The following SNTG1 variants were observed in gnomAD, a reference collection of about 807,000 sequenced individuals.
SNTG1 encodes the protein syntrophin gamma 1.
In SNTG1, 39 loss-of-function variants were observed where a neutral mutation model predicts 74.7. The ratio of observed to expected loss-of-function variants is 0.52; its 90% confidence interval spans 0.40 to 0.68. The LOEUF (loss-of-function observed/expected upper bound fraction) is 0.68. Ranked by LOEUF, SNTG1 falls within the 30% of genes least tolerant of loss-of-function variation. SNTG1 has a pLI of 0.00. For synonymous variants in SNTG1, 254 were observed against 217.1 expected (o/e 1.17, Z -1.49); for missense variants, 685 against 609.5 (o/e 1.12, Z -1.30).
intron 8 of SNTG1, among the ~76,000 whole-genome samples, chr8:50,483,309 AT>A (rs943256187): frequency 2.0e-5 from 3 of 152,072 alleles, no homozygotes; most frequent in African/African-American, 4.8e-5. Flanking sequence ...GGATCTATGT[AT>A]TTTTTTTCAT....
chr8:50,231,333 A>G (rs2085612450), intron 2 of SNTG1, among the ~76,000 whole-genome samples: 1 of 151,426 alleles, frequency 6.6e-6, no homozygotes, highest in Non-Finnish European at 1.5e-5. Context: ...TGGTTCCTCA[A>G]AAAACTAAAA....
At chr8:50,164,774 G>A (rs2082554821) in intron 1 of SNTG1, among the ~76,000 whole-genome samples, 1 of 152,036 alleles carries the variant, frequency 6.6e-6, no homozygotes, top group Non-Finnish European at 1.5e-5. Flanking sequence ...AAACTCTTTG[G>A]AAAAAATATT....
At chr8:50,376,236 A>G (rs2092377107) in intron 2 of SNTG1, among the ~76,000 whole-genome samples, 1 of 152,178 alleles carries the variant, frequency 6.6e-6, no homozygotes, top group Non-Finnish European at 1.5e-5. Context: ...CTGTAACTAT[A>G]CAGATTATAC....
In SNTG1 at chr8:50,027,020, TC is replaced by T. The variant is rs573679526; in HGVS notation, c.-103+114791del. ...CTCATTTGCAGGATTGCTATGTCCT[TC>T]CTTCTAGCTGGCCACCCACTTCTAG... On this transcript the variant is annotated intron_variant, in intron 1 of 18. Transcript: ENST00000642720. Among the ~76,000 whole-genome samples the T allele has an allele frequency of 5.9e-3, 897 of 152,238 alleles. 10 individuals carry two copies. The highest frequency in any genetic ancestry group is 7.4e-3 in the Non-Finnish European group (505 of 68,018).
chr8:50,775,157 T>C (rs914023226), intron 18 of SNTG1, among the ~76,000 whole-genome samples: 1 of 151,504 alleles, frequency 6.6e-6, no homozygotes, highest in Non-Finnish European at 1.5e-5. Context: ...ATATTAAATA[T>C]TTCGACCAAA....
chr8:50,715,978 G>A (rs973636617), intron 17 of SNTG1, among the ~76,000 whole-genome samples: 1 of 152,084 alleles, frequency 6.6e-6, no homozygotes, highest in African/African-American at 2.4e-5. Flanking sequence ...AATTTGAATT[G>A]AAGTTAATAT....
intron 12 of SNTG1, among the ~76,000 whole-genome samples, chr8:50,570,591 G>GTTGTTGTTGTTATTATTA (rs137977278): frequency 2.5e-4 from 32 of 130,156 alleles, no homozygotes; most frequent in East Asian, 1.8e-3. Flanking sequence ...TATTATTGTT[G>GTTGTTGTTGTTATTATTA]TTATTATTAT....
chr8:50,449,863 G>C, intron 6 of SNTG1, 138 bp downstream of exon 6: 1 of 693,608 alleles, frequency 1.4e-6, no homozygotes, highest in Non-Finnish European at 2.2e-6. Context: ...TAGTGGCTGA[G>C]TCTGCTTCCT....
intron 1 of SNTG1, among the ~76,000 whole-genome samples, chr8:50,160,887 G>C (rs2082395376): frequency 6.6e-6 from 1 of 152,136 alleles, no homozygotes; most frequent in Non-Finnish European, 1.5e-5. Context: ...AAAACAACTG[G>C]ACACAAGCCT....
chr8:50,250,651 T>G (rs2086606786), intron 2 of SNTG1, among the ~76,000 whole-genome samples: 1 of 151,992 alleles, frequency 6.6e-6, no homozygotes, highest in African/African-American at 2.4e-5. Flanking sequence ...GGAAAAAAAT[T>G]GATGACATAC....
At chr8:50,389,927 G>A (rs2092631825) in intron 2 of SNTG1, among the ~76,000 whole-genome samples, 2 of 152,088 alleles carry the variant, frequency 1.3e-5, no homozygotes, top group African/African-American at 4.8e-5. Context: ...TTGTTGATGG[G>A]GTTGTTTGTA....
At chr8:49,991,426 T>A (rs544212467) in intron 1 of SNTG1, among the ~76,000 whole-genome samples, 12 of 152,236 alleles carry the variant, frequency 7.9e-5, no homozygotes, top group African/African-American at 2.9e-4. Context: ...ACCTAGGAAT[T>A]CTACTCCTAG....
At chr8:50,547,663 G>A (rs2094397827) in intron 11 of SNTG1, among the ~76,000 whole-genome samples, 1 of 151,736 alleles carries the variant, frequency 6.6e-6, no homozygotes. Flanking sequence ...GAATATCTCT[G>A]GAAAACTGAA....
At chr8:50,084,453 C>T (rs1050788134) in intron 1 of SNTG1, among the ~76,000 whole-genome samples, 2 of 151,914 alleles carry the variant, frequency 1.3e-5, no homozygotes, top group Middle Eastern at 3.4e-3. Context: ...AGTGAGACTC[C>T]ATCTCAAAAA....
chr8:50,608,519 T>A (rs1290445231), intron 13 of SNTG1, among the ~76,000 whole-genome samples: 1 of 151,874 alleles, frequency 6.6e-6, no homozygotes, highest in Non-Finnish European at 1.5e-5. Context: ...TGCTTTTCCA[T>A]CTCTCTTATG....
At chr8:50,442,654 T>C (rs2093368124) in intron 5 of SNTG1, among the ~76,000 whole-genome samples, 1 of 149,434 alleles carries the variant, frequency 6.7e-6, no homozygotes, top group African/African-American at 2.5e-5. Flanking sequence ...TGTGCCTTTT[T>C]TTCTTTGTAT....
intron 8 of SNTG1, among the ~76,000 whole-genome samples, chr8:50,501,438 T>G (rs1321868012): frequency 8.6e-5 from 11 of 128,198 alleles, no homozygotes; most frequent in East Asian, 6.7e-4. Context: ...TTTTTTTTTT[T>G]TTTTTTTTTT....
chr8:50,393,186 TG>T (rs2131304977), intron 2 of SNTG1, among the ~76,000 whole-genome samples: 1 of 152,250 alleles, frequency 6.6e-6, no homozygotes, highest in East Asian at 1.9e-4. Context: ...ATGATGCATT[TG>T]GTTACTACTG....
intron 2 of SNTG1, among the ~76,000 whole-genome samples, chr8:50,280,468 A>G (rs2088377663): frequency 6.6e-6 from 1 of 152,208 alleles, no homozygotes; most frequent in African/African-American, 2.4e-5. Flanking sequence ...AAAGAGGTTT[A>G]TTCTGAGCCA....
Sources: allele counts gnomAD v4.1 joint callset (sites outside exome capture counted in the v4.1 genomes callset), GRCh38; gene constraint gnomAD v4.1.1; transcripts MANE v1.5; gene names NCBI Gene and HGNC (gene_info 2026-07-23, HGNC 2026-07-21).